Variants in ZNF248 observed in about 807,000 individuals in gnomAD.
ZNF248 encodes zinc finger protein 248, also known as KRAB protein domain.
Under a neutral mutation model 44.3 loss-of-function variants are expected in ZNF248, and 20 were observed. The ratio of observed to expected loss-of-function variants is 0.45; its 90% CI spans 0.32 to 0.66. The LOEUF is 0.66. Among genes scored for constraint, ZNF248 ranks in the 30% least tolerant of loss-of-function variants. The pLI is 0.04. For synonymous variants in ZNF248, 224 were observed against 229.0 expected (o/e 0.98, Z 0.20); for missense variants, 654 against 677.0 (o/e 0.97, Z 0.38).
downstream of ZNF248, among the ~76,000 whole-genome samples, chr10:37,826,027 T>G (rs1488587074): frequency 6.6e-6 from 1 of 152,124 alleles, no homozygotes; most frequent in African/African-American, 2.4e-5. Flanking sequence ...AAGTGAGCCA[T>G]TGATAGGATG....
intron 6 of ZNF248, among the ~76,000 whole-genome samples, chr10:37,802,039 A>AT (rs1384108918): frequency 6.6e-6 from 1 of 152,244 alleles, no homozygotes; most frequent in Admixed American, 6.5e-5. Context: ...CTGGGACATT[A>AT]TAGGACCTGC....
At chr10:37,824,096 A>T (rs765017732), downstream of ZNF248, among the ~76,000 whole-genome samples, 14 of 152,166 alleles carry the variant, frequency 9.2e-5, no homozygotes, top group Admixed American at 2.6e-4. Flanking sequence ...CTGCAGGTTG[A>T]GTTAGCAAAC....
the ZNF248 span, among the ~76,000 whole-genome samples, chr10:37,767,887 C>G: frequency 7.9e-5 from 12 of 152,164 alleles, no homozygotes; most frequent in African/African-American, 2.9e-4. Context: ...ACCCATCTCA[C>G]GTGCAGAGAC....
the ZNF248 span, among the ~76,000 whole-genome samples, chr10:37,770,642 C>A: frequency 3.9e-5 from 6 of 152,044 alleles, no homozygotes; most frequent in South Asian, 4.1e-4. Context: ...TAAAGACTTA[C>A]ATGTTAGACC....
At chr10:37,852,865 A>G (rs1365099736) in intron 3 of ZNF248, among the ~76,000 whole-genome samples, 1 of 151,906 alleles carries the variant, frequency 6.6e-6, no homozygotes, top group African/African-American at 2.4e-5. Context: ...AAGAAAAGGC[A>G]GATAATTTTT....
At position 37,832,802 on chromosome 10, in the gene ZNF248, T is replaced by C. The variant is rs1214129657; in HGVS notation, c.553A>G (p.Ile185Val). 2.5e-6 allele frequency: 4 copies of C among 1,613,852 alleles called. No individual in the cohort carries two copies. The highest frequency in any genetic ancestry group is 3.3e-5 in the Admixed American group (2 of 59,974). Residue 185 changes from isoleucine (I) to valine (V), a missense_variant, in exon 6 of 6, where the codon ATT (isoleucine) becomes GTT (valine). Coordinates refer to ENST00000395867, the MANE Select transcript of ZNF248 (RefSeq NM_021045.3). The part of the protein sequence containing the change: ...LLDIRHEKIP[I>V]GEKSYKYDQK... Reference sequence around the variant, plus strand: ...TCATATTTATAAGACTTCTCTCCAATAGGGATTTTCTCATGCCTAATATCA... The same window carrying C: ...TCATATTTATAAGACTTCTCTCCAACAGGGATTTTCTCATGCCTAATATCA...
rs80196533 is a variant in ZNF248, at chr10:37,835,916, A to G, written c.238+1701T>C. Among the ~76,000 whole-genome samples the G allele has an allele frequency of 3.0e-4, 45 of 152,328 alleles. No individual in the cohort carries two copies. The East Asian group carries it at 7.0e-3, about 24-fold the overall frequency. On this transcript the variant is annotated intron_variant, in intron 5 of 5. Transcript: ENST00000395867. ...CATATCCAATCTCTTAGTCAAAAAC[A>G]GACTCGATTATAAGAGTTATCTCCA...
chr10:37,824,673 ATTT>A (rs755411927), downstream of ZNF248, among the ~76,000 whole-genome samples: 18 of 79,700 alleles, frequency 2.3e-4, no homozygotes, highest in African/African-American at 6.9e-4. Context: ...ATTATTTTAA[ATTT>A]TTTTTTTTTT....
At chr10:37,822,143 G>A (rs1256250076) in intron 6 of ZNF248, among the ~76,000 whole-genome samples, 1 of 152,148 alleles carries the variant, frequency 6.6e-6, no homozygotes, top group South Asian at 2.1e-4. Context: ...TCCAAAAGTT[G>A]TAATAAGTTG....
intron 6 of ZNF248, chr10:37,791,952 A>G (rs1006024613): frequency 1.3e-5 from 2 of 152,230 alleles, no homozygotes; most frequent in African/African-American, 4.8e-5. Flanking sequence ...GATACCAAGA[A>G]TAAAAGGGCC....
At chr10:37,795,216 C>T (rs1024643705) in intron 6 of ZNF248, 2 of 152,170 alleles carry the variant, frequency 1.3e-5, no homozygotes, top group Non-Finnish European at 2.9e-5. Flanking sequence ...AGTTTTCATA[C>T]ACTGAGGATA....
At chr10:37,806,369 C>T (rs2050566948) in intron 6 of ZNF248, among the ~76,000 whole-genome samples, 1 of 152,168 alleles carries the variant, frequency 6.6e-6, no homozygotes, top group Non-Finnish European at 1.5e-5. Context: ...CTCAACTACA[C>T]TTGATATTTT....
chr10:37,854,368 TG>T (rs575157821), intron 3 of ZNF248, among the ~76,000 whole-genome samples: 1 of 151,882 alleles, frequency 6.6e-6, no homozygotes, highest in Non-Finnish European at 1.5e-5. Flanking sequence ...TAAAAGACAC[TG>T]GGGGGGAAAA....
intron 6 of ZNF248, chr10:37,820,186 G>C (rs2053224097): frequency 8.1e-7 from 1 of 1,237,710 alleles, no homozygotes; most frequent in Non-Finnish European, 1.2e-6. Flanking sequence ...CTGTTTTCTA[G>C]TGCAGATATT....
chr10:37,788,252 G>C (rs1292120778), intron 6 of ZNF248, among the ~76,000 whole-genome samples: 1 of 130,252 alleles, frequency 7.7e-6, no homozygotes, highest in Non-Finnish European at 1.6e-5. Context: ...GCAACAGTGA[G>C]ACTCCATCTT....
the ZNF248 span, among the ~76,000 whole-genome samples, chr10:37,759,472 C>T: frequency 1.2e-4 from 19 of 152,258 alleles, no homozygotes; most frequent in South Asian, 2.1e-4. Flanking sequence ...GGAGAAGGTG[C>T]GGAGGCAGGA....
chr10:37,820,257 C>G, intron 6 of ZNF248: 2 of 1,368,144 alleles, frequency 1.5e-6, no homozygotes, highest in Non-Finnish European at 2.1e-6. Context: ...TTTTTGGGAG[C>G]TGCAGAAATG....
intron 3 of ZNF248, among the ~76,000 whole-genome samples, chr10:37,852,150 G>C (rs1250961501): frequency 6.6e-6 from 1 of 152,022 alleles, no homozygotes; most frequent in Non-Finnish European, 1.5e-5. Context: ...GGGAGTCTGA[G>C]GCAGGAGAAT....
chr10:37,787,602 T>G (rs2048032463), intron 6 of ZNF248, among the ~76,000 whole-genome samples: 1 of 151,732 alleles, frequency 6.6e-6, no homozygotes, highest in African/African-American at 2.4e-5. Context: ...TAAAACAAAT[T>G]GTATGTCCAC....
Sources: allele counts gnomAD v4.1 joint callset (sites outside exome capture counted in the v4.1 genomes callset), GRCh38; gene constraint gnomAD v4.1.1; transcripts MANE v1.5; gene names NCBI Gene and HGNC (gene_info 2026-07-23, HGNC 2026-07-21).